MYH14: variants seen among roughly 807,000 people sequenced by gnomAD.
MYH14 encodes myosin heavy chain 14.
Under a neutral mutation model 255.5 loss-of-function variants are expected in MYH14, and 123 were observed. The ratio of observed to expected loss-of-function variants is 0.48; its 90% confidence interval spans 0.42 to 0.56. The LOEUF (loss-of-function observed/expected upper bound fraction) is 0.56, where lower values mean the gene tolerates loss of function less well. Ranked by LOEUF, MYH14 falls within the 20% of genes least tolerant of loss-of-function variation. MYH14 has a pLI of 0.00. For synonymous variants in MYH14, 1,095 were observed against 1,161.2 expected, an observed-to-expected ratio of 0.94 and a Z score of 1.16; for missense variants, 2,423 against 2,802.3, an observed-to-expected ratio of 0.86 and a Z score of 3.06.
chr19:50,237,668 G>A (rs1035074692), intron 10 of MYH14, among the ~76,000 whole-genome samples: 1 of 152,120 alleles, frequency 6.6e-6, no homozygotes, highest in Non-Finnish European at 1.5e-5. Flanking sequence ...CCTCGTCGCT[G>A]TCCACAGGGT....
intron 2 of MYH14, 62 bp downstream of exon 2, chr19:50,210,832 C>T: frequency 6.6e-7 from 1 of 1,526,310 alleles, no homozygotes; most frequent in Admixed American, 2.3e-5. Flanking sequence ...GGAACCAGGT[C>T]CACCACCCGG....
In MYH14 at chr19:50,221,437, TAA is replaced by T. The variant is rs1210287189; in HGVS notation, c.563-1640_563-1639del. Among the ~76,000 whole-genome samples, 3 of 152,072 alleles carry T rather than the reference TAA, an allele frequency of 2.0e-5. No homozygotes were observed. The highest frequency in any genetic ancestry group is 6.5e-5 in the Admixed American group (1 of 15,268). Reference sequence around the variant, plus strand: ...ACACCCAGAGGATGCCTGTCCTGCTTAAAAAAACATTCAGACCCTTTGATCAT... The same window carrying T: ...ACACCCAGAGGATGCCTGTCCTGCTTAAAAACATTCAGACCCTTTGATCAT... On this transcript the variant is annotated intron_variant, in intron 3 of 42. Transcript: ENST00000642316. This position sits in a 1 kb window ranked among gnomAD's most constrained non-coding sequence, Gnocchi z 5.3.
intron 33 of MYH14, chr19:50,284,870 G>T (rs1471430934): frequency 6.6e-6 from 1 of 150,614 alleles, no homozygotes; most frequent in East Asian, 1.9e-4. Context: ...TCTATTGAAA[G>T]TCATTTTTCT....
intron 30 of MYH14, among the ~76,000 whole-genome samples, chr19:50,279,270 TTAACA>T (rs2035625165): frequency 6.6e-6 from 1 of 152,236 alleles, no homozygotes; most frequent in African/African-American, 2.4e-5. Flanking sequence ...CTTCTTTTAC[TTAACA>T]TAACGGTTTC....
At chr19:50,231,275 G>A (rs552487327) in intron 9 of MYH14, among the ~76,000 whole-genome samples, 15 of 152,356 alleles carry the variant, frequency 9.8e-5, no homozygotes, top group Admixed American at 7.2e-4. Context: ...CTTTGAGACC[G>A]CATGTCCTTG....
intron 1 of MYH14, among the ~76,000 whole-genome samples, chr19:50,206,821 A>G (rs183780406): frequency 6.6e-5 from 10 of 152,052 alleles, no homozygotes; most frequent in South Asian, 6.2e-4. Flanking sequence ...ATATAGGTCT[A>G]TCGGGCAGAG....
intron 5 of MYH14, 143 bp downstream of exon 5, chr19:50,223,492 T>C: frequency 1.5e-6 from 1 of 681,318 alleles, no homozygotes; most frequent in Admixed American, 2.1e-5. Context: ...ACTGTGTGCC[T>C]GGGGTGGGGC....
rs546025549 is a variant in MYH14 at position 50,247,283 on chromosome 19, C to T, written c.1329+161C>T. On this transcript the variant is annotated intron_variant, in intron 12 of 42. Transcript: ENST00000642316. ...AGGTGCCAGGCGTAAAAGCAGTCAT[C>T]GAAACAAATAACCAGGCCCTCAGGG... Among the ~76,000 whole-genome samples the T allele has an allele frequency of 2.6e-4, 40 of 152,196 alleles. 1 individual carries two copies. The highest frequency in any genetic ancestry group is 2.0e-3 in the Admixed American group (30 of 15,280).
At position 50,278,001 on chromosome 19, in the gene MYH14, G is replaced by A. The variant is rs560532339; in HGVS notation, c.3826-82G>A. ...GTTCCAGGCAGAGGGAACAGCCAGTGCAAAGGCCCTGAGATGGGAGTGTGC... is the reference window on the plus strand; with the variant it reads ...GTTCCAGGCAGAGGGAACAGCCAGTACAAAGGCCCTGAGATGGGAGTGTGC... On this transcript the variant is annotated intron_variant, in intron 29 of 42. Coordinates refer to ENST00000642316, the MANE Select transcript of MYH14 (RefSeq NM_001145809.2). 18 of 1,102,542 alleles carry A rather than the reference G, an allele frequency of 1.6e-5. No individual in the cohort carries two copies. The East Asian group carries it at 3.3e-4, about 20-fold the overall frequency. 68.3% of individuals were successfully genotyped at this position (1,102,542 alleles called of 1,614,324 possible).
chr19:50,307,873 G>A (rs1235023246), intron 41 of MYH14, among the ~76,000 whole-genome samples: 3 of 152,138 alleles, frequency 2.0e-5, no homozygotes, highest in Non-Finnish European at 2.9e-5. Flanking sequence ...TGCTTTATTC[G>A]CCATTCATTC....
intron 1 of MYH14, among the ~76,000 whole-genome samples, chr19:50,208,940 G>C (rs1181150612): frequency 1.3e-5 from 2 of 151,958 alleles, no homozygotes; most frequent in Non-Finnish European, 2.9e-5. Flanking sequence ...GATCGCTTGA[G>C]CCCAGGAGTT....
In MYH14 at chr19:50,252,775, C is replaced by A. The variant is rs1467294606; in HGVS notation, c.1945+22C>A. 2 of 1,521,252 alleles carry A rather than the reference C, an allele frequency of 1.3e-6. No individual in the cohort carries two copies. Among genetic ancestry groups the A allele is most frequent in the Non-Finnish European group, 1.8e-6 (2 of 1,116,660 alleles). The allele number at this position is 1,521,252 out of a possible 1,614,324, so 94.2% of individuals were successfully genotyped here. On this transcript the variant is annotated intron_variant, in intron 16 of 42. Coordinates refer to ENST00000642316, the MANE Select transcript of MYH14 (RefSeq NM_001145809.2). This position sits in a 1 kb window ranked among gnomAD's most constrained non-coding sequence, Gnocchi z 4.2. Reference sequence around the variant, plus strand: ...GACGGTGAGGACCCACTTCCCCCACCCCGGCTCTAGGGGTCTGTGCGGCCA... The same window carrying A: ...GACGGTGAGGACCCACTTCCCCCACACCGGCTCTAGGGGTCTGTGCGGCCA...
At chr19:50,271,342 C>G in intron 24 of MYH14, 67 bp from the exon 25 acceptor site, 1 of 1,530,688 alleles carries the variant, frequency 6.5e-7, no homozygotes, top group Non-Finnish European at 8.9e-7. Context: ...ATCCCCGCTC[C>G]CATCCTTCCC....
In MYH14 at chr19:50,308,726, C is replaced by T. The variant is rs898109673; in HGVS notation, c.5788-279C>T. 110 of 402,994 alleles carry T rather than the reference C, an allele frequency of 2.7e-4. 1 individual carries two copies. In the East Asian group the frequency reaches 4.0e-3, roughly 15 times the overall value. 25.0% of individuals were successfully genotyped at this position (402,994 alleles called of 1,614,324 possible). On this transcript the variant is annotated intron_variant, in intron 41 of 42. Coordinates refer to ENST00000642316, the MANE Select transcript of MYH14 (RefSeq NM_001145809.2). ...ACCTTGTCCCGGGGGTACTGGGGAG[C>T]CATGAAAGGATTGTGAGCAGGAGGG...
rs1306206027 is a variant in MYH14 at position 50,276,977 on chromosome 19, G to A, written c.3825+76G>A. On this transcript the variant is annotated intron_variant, in intron 29 of 42. Transcript: ENST00000642316. This position sits in a 1 kb window ranked among gnomAD's most constrained non-coding sequence, Gnocchi z 4.3. ...AGGACGCGGGGTTGGAGGAGGTACCGCTGGCTGGTTCTAGGCTAGCTCATC... is the reference window on the plus strand; with the variant it reads ...AGGACGCGGGGTTGGAGGAGGTACCACTGGCTGGTTCTAGGCTAGCTCATC... 12 of 1,190,660 alleles carry A rather than the reference G, an allele frequency of 1.0e-5. No individual in the cohort carries two copies. The highest frequency in any genetic ancestry group is 3.0e-5 in the African/African-American group (2 of 66,244). 73.8% of individuals were successfully genotyped at this position (1,190,660 alleles called of 1,614,324 possible).
At chr19:50,231,070 C>T (rs896848599) in intron 9 of MYH14, 2 of 190,102 alleles carry the variant, frequency 1.1e-5, no homozygotes, top group Admixed American at 5.5e-5. Flanking sequence ...ACGGCTCTTG[C>T]CGGAGTCCTC....
At chr19:50,254,205 G>A (rs1447085892) in intron 16 of MYH14, among the ~76,000 whole-genome samples, 3 of 136,744 alleles carry the variant, frequency 2.2e-5, no homozygotes, top group Non-Finnish European at 4.6e-5. Flanking sequence ...CAACAAGAGT[G>A]AAACTCTGTC....
intron 10 of MYH14, among the ~76,000 whole-genome samples, chr19:50,234,182 A>G (rs538811339): frequency 1.6e-4 from 24 of 152,050 alleles, no homozygotes; most frequent in Admixed American, 1.3e-3. Context: ...CCTGTTTCCA[A>G]TACTGTCACA....
rs770737083 is a variant in MYH14 at position 50,272,548 on chromosome 19, C to G, written c.3296-12C>G. ...TGGAGTCCTCATGCACGGCCCCCAC[C>G]CCTGCCTCCAGACCGCCTACGGAAG... is the stretch of plus-strand genomic sequence containing the variant. On this transcript the variant is annotated splice_polypyrimidine_tract_variant and intron_variant, in intron 26 of 42. Coordinates refer to ENST00000642316, the MANE Select transcript of MYH14 (RefSeq NM_001145809.2). The G allele has an allele frequency of 1.3e-6, 2 of 1,560,106 alleles. No individual in the cohort carries two copies. Among genetic ancestry groups the G allele is most frequent in the Admixed American group, 1.9e-5 (1 of 51,698 alleles).
Sources: gnomAD v4.1 joint callset for allele counts (sites outside exome capture counted in the v4.1 genomes callset) on GRCh38, gnomAD v4.1.1 for gene constraint, Gnocchi (gnomAD v3.1) non-coding constraint, MANE v1.5 for transcripts, NCBI Gene and HGNC (gene_info 2026-07-23, HGNC 2026-07-21) for gene names.